TRPM2: variants seen among roughly 807,000 people sequenced by gnomAD.
The protein encoded by TRPM2 is estrogen-responsive element-associated gene 1 protein.
In TRPM2, 161 loss-of-function variants were observed where a neutral mutation model predicts 174.0. The observed-to-expected ratio is 0.93, with a 90% CI of 0.81 to 1.05. The LOEUF (loss-of-function observed/expected upper bound fraction) is 1.05. TRPM2 is among the 50% of genes least tolerant of loss of function. The pLI is 0.00. For missense variants in TRPM2, 2,057 were observed against 2,038.0 expected, an observed-to-expected ratio of 1.01 and a Z score of -0.18; for synonymous variants, 954 against 861.3, an observed-to-expected ratio of 1.11 and a Z score of -1.88.
At chr21:44,406,797 G>C (rs865911257) in intron 19 of TRPM2, 32 bp downstream of exon 19, 1 of 1,574,274 alleles carries the variant, frequency 6.4e-7, no homozygotes, top group African/African-American at 1.4e-5. Context: ...AGCTCGGGTG[G>C]TGCTGCCGGG....
At chr21:44,436,031 A>G (rs1601260455) in intron 28 of TRPM2, among the ~76,000 whole-genome samples, 1 of 139,594 alleles carries the variant, frequency 7.2e-6, no homozygotes, top group African/African-American at 2.7e-5. Context: ...ACTCATCCAG[A>G]GGGACACAGC....
At chr21:44,405,805 G>T in intron 17 of TRPM2, 100 bp from the exon 18 acceptor site, 1 of 1,445,772 alleles carries the variant, frequency 6.9e-7, no homozygotes, top group South Asian at 1.3e-5. Flanking sequence ...TGCCTCCAGG[G>T]CCCACCTGGG....
At chr21:44,377,317 C>A (rs1041951122) in intron 6 of TRPM2, among the ~76,000 whole-genome samples, 8 of 152,164 alleles carry the variant, frequency 5.3e-5, no homozygotes, top group Admixed American at 3.9e-4. Flanking sequence ...GCAGGTTGTG[C>A]CACCTGCTTG....
chr21:44,436,010 ACC>A (rs2051250015), intron 28 of TRPM2, among the ~76,000 whole-genome samples: 1 of 126,724 alleles, frequency 7.9e-6, no homozygotes, highest in Admixed American at 7.7e-5. Flanking sequence ...ACCCCCTCAG[ACC>A]CTCTCCATAC....
chr21:44,350,451 G>A (rs1364207331), upstream of TRPM2: 1 of 151,688 alleles, frequency 6.6e-6, no homozygotes, highest in Non-Finnish European at 1.5e-5. Context: ...GCTGCTGCAG[G>A]GCGCGGCGGA....
intron 2 of TRPM2, among the ~76,000 whole-genome samples, chr21:44,358,201 G>A (rs770246678): frequency 1.2e-4 from 18 of 152,184 alleles, no homozygotes; most frequent in Non-Finnish European, 1.3e-4. Flanking sequence ...TCATTTCCGT[G>A]TCTGCTGTGG....
intron 8 of TRPM2, 56 bp from the exon 9 acceptor site, chr21:44,382,662 A>G: frequency 6.4e-7 from 1 of 1,555,006 alleles, no homozygotes; most frequent in Non-Finnish European, 8.8e-7. Flanking sequence ...TGTGTCCTGG[A>G]GGAGGCAGGG....
rs974577543 is a variant in TRPM2, at chr21:44,366,102, G to C, written c.424-652G>C. On this transcript the variant is annotated intron_variant, in intron 3 of 31. Transcript: ENST00000397928. This position sits in a 1 kb window ranked among gnomAD's most constrained non-coding sequence, Gnocchi z 6.0. ...CCGCCTAGCGGAACAGGGAAAGTCC[G>C]CTGTGTACTTGGGAGGGTCTCCTGG... Among the ~76,000 whole-genome samples, 2 of 152,198 alleles carry C rather than the reference G, an allele frequency of 1.3e-5. No individual in the cohort carries two copies. The highest frequency in any genetic ancestry group is 4.8e-5 in the African/African-American group (2 of 41,442).
At position 44,425,645 on chromosome 21, in the gene TRPM2, G is replaced by A. The variant is rs148758503; in HGVS notation, c.3638-25G>A. The A allele has an allele frequency of 7.5e-3, 11,031 of 1,473,770 alleles. 67 individuals are homozygous for A. Among genetic ancestry groups the A allele is most frequent in the Non-Finnish European group, 8.9e-3 (9,863 of 1,102,078 alleles). 91.3% of individuals were successfully genotyped at this position (1,473,770 alleles called of 1,614,324 possible). A position where few individuals can be genotyped will look rare whatever the true frequency, so the allele number is the denominator to read the frequency against. Reference sequence around the variant, plus strand: ...CACCTGAGCCCGGGCTCCGCCTTGCGTCACGTCTTCCTGACTGTCCCCAGC... The same window carrying A: ...CACCTGAGCCCGGGCTCCGCCTTGCATCACGTCTTCCTGACTGTCCCCAGC... On this transcript the variant is annotated intron_variant, in intron 24 of 31. Transcript: ENST00000397928.
chr21:44,422,293 C>G (rs2050578702), intron 22 of TRPM2: 4 of 1,535,952 alleles, frequency 2.6e-6, no homozygotes, highest in Non-Finnish European at 3.5e-6. Context: ...CTTTGGGGGT[C>G]AAGGACAAGC....
At chr21:44,408,609 G>A (rs528005409) in intron 19 of TRPM2, among the ~76,000 whole-genome samples, 5 of 149,808 alleles carry the variant, frequency 3.3e-5, no homozygotes, top group Non-Finnish European at 4.4e-5. Context: ...TAACCTCGTC[G>A]TCTGTAAGTC....
chr21:44,421,849 C>T (rs749358483), intron 22 of TRPM2, among the ~76,000 whole-genome samples: 6 of 152,100 alleles, frequency 3.9e-5, no homozygotes, highest in Non-Finnish European at 7.4e-5. Flanking sequence ...GCCAGGGGTT[C>T]GAGGCTGCAG....
At chr21:44,362,445 G>C (rs1444450892) in intron 2 of TRPM2, among the ~76,000 whole-genome samples, 3 of 151,498 alleles carry the variant, frequency 2.0e-5, no homozygotes, top group East Asian at 1.9e-4. Context: ...CTGGGAGGCG[G>C]AGCTTGCAGT....
Position 44,418,409 on chromosome 21 carries a change from G to T in TRPM2, c.3329-14G>T, listed in dbSNP as rs199689361. 436 of 1,613,184 alleles carry T rather than the reference G, an allele frequency of 2.7e-4. 1 individual carries two copies. Among genetic ancestry groups the T allele is most frequent in the Non-Finnish European group, 3.5e-4 (414 of 1,179,540 alleles). ...GGATTCCAGGTCCCCTGGTCTGTCC[G>T]CCCACCCTGACAGAGAACAAGCTGG... On this transcript the variant is annotated splice_polypyrimidine_tract_variant and intron_variant, in intron 21 of 31. Coordinates refer to ENST00000397928, the MANE Select transcript of TRPM2 (RefSeq NM_003307.4).
chr21:44,366,605 C>T lies in TRPM2; in HGVS notation c.424-149C>T. 1 of 967,088 alleles carries T rather than the reference C, an allele frequency of 1.0e-6. No homozygotes were observed. Among genetic ancestry groups the T allele is most frequent in the Non-Finnish European group, 1.5e-6 (1 of 647,830 alleles). The allele number at this position is 967,088 out of a possible 1,614,324, so 59.9% of individuals were successfully genotyped here. The stretch of plus-strand genomic sequence containing the variant: ...CTCTTCTCTCGTGATCTGTGCCCTG[C>T]CCACATGGGGACCCCTTTTCTGGGT... On this transcript the variant is annotated intron_variant, in intron 3 of 31. Transcript: ENST00000397928. The surrounding 1 kb of genome is among the most constrained non-coding windows in gnomAD (Gnocchi z 6.0).
intron 16 of TRPM2, 83 bp from the exon 17 acceptor site, chr21:44,405,059 T>A: frequency 6.3e-7 from 1 of 1,578,126 alleles, no homozygotes; most frequent in East Asian, 2.3e-5. Context: ...GTGATGATGA[T>A]AGTGGATAGT....
At chr21:44,404,448 A>G (rs1294200727) in intron 16 of TRPM2, among the ~76,000 whole-genome samples, 2 of 152,206 alleles carry the variant, frequency 1.3e-5, no homozygotes, top group African/African-American at 4.8e-5. Flanking sequence ...ATATGTACAT[A>G]CACATATATG....
chr21:44,365,351 C>T (rs2048330724), intron 3 of TRPM2, among the ~76,000 whole-genome samples: 1 of 152,218 alleles, frequency 6.6e-6, no homozygotes, highest in Non-Finnish European at 1.5e-5. Flanking sequence ...GACCTGTCCA[C>T]TCAATGCATG....
chr21:44,437,258 C>T, intron 29 of TRPM2, 91 bp downstream of exon 29: 1 of 1,068,012 alleles, frequency 9.4e-7, no homozygotes, highest in Non-Finnish European at 1.4e-6. Context: ...TGGACACCAG[C>T]CCCCTGCAGC....
Sources: gnomAD v4.1 joint callset for allele counts (sites outside exome capture counted in the v4.1 genomes callset) on GRCh38, gnomAD v4.1.1 for gene constraint, Gnocchi (gnomAD v3.1) non-coding constraint, MANE v1.5 for transcripts, NCBI Gene and HGNC (gene_info 2026-07-23, HGNC 2026-07-21) for gene names.